Variants in CTNND2 observed in about 807,000 individuals in gnomAD.
CTNND2 encodes catenin delta-2.
A neutral mutation model predicts 144.4 loss-of-function variants in CTNND2; 22 were observed. That is an observed-to-expected ratio of 0.15 (90% CI 0.11 to 0.22). The LOEUF (loss-of-function observed/expected upper bound fraction) is 0.22, where lower values mean the gene tolerates loss of function less well. Ranked by LOEUF, CTNND2 falls within the 10% of genes least tolerant of loss-of-function variation. The probability of loss-of-function intolerance (pLI) is 1.00; values close to 1 mark genes in which losing one functional copy is unlikely to be tolerated. For synonymous variants in CTNND2, 751 were observed against 695.6 expected, an observed-to-expected ratio of 1.08 and a Z score of -1.25; for missense variants, 1,353 against 1,618.8, an observed-to-expected ratio of 0.84 and a Z score of 2.82.
intron 9 of CTNND2, among the ~76,000 whole-genome samples, chr5:11,329,800 C>T (rs556330239): frequency 1.3e-5 from 2 of 152,302 alleles, no homozygotes; most frequent in South Asian, 4.2e-4. Context: ...CAGCGCCATC[C>T]CCAAGGCTCC....
In CTNND2 at chr5:11,268,527, G is replaced by A. The variant is rs759021151; in HGVS notation, c.1629-31704C>T. Among the ~76,000 whole-genome samples, 21 of 152,154 alleles carry A rather than the reference G, an allele frequency of 1.4e-4. 1 individual carries two copies. Among genetic ancestry groups the A allele is most frequent in the Admixed American group, 3.3e-4 (5 of 15,278 alleles). ...ATTGCTTGAACTTGACCTGAGAGGT[G>A]GAGGTTGCAGTGAGCCAAGATCATG... is the stretch of plus-strand genomic sequence containing the variant. On this transcript the variant is annotated intron_variant, in intron 9 of 21. Transcript: ENST00000304623.
intron 15 of CTNND2, among the ~76,000 whole-genome samples, chr5:11,083,197 G>T (rs1749779439): frequency 6.6e-6 from 1 of 152,166 alleles, no homozygotes; most frequent in South Asian, 2.1e-4. Context: ...GCATTAAAGA[G>T]AAATAAAACA....
intron 1 of CTNND2, among the ~76,000 whole-genome samples, chr5:11,743,464 C>T (rs566890135): frequency 1.6e-3 from 237 of 152,276 alleles, no homozygotes; most frequent in African/African-American, 5.4e-3. Context: ...AAGGTAGAAT[C>T]GTCGATCAAG....
At chr5:11,297,420 T>C (rs1012454424) in intron 9 of CTNND2, among the ~76,000 whole-genome samples, 1 of 152,178 alleles carries the variant, frequency 6.6e-6, no homozygotes, top group Non-Finnish European at 1.5e-5. Flanking sequence ...GAGACAGATA[T>C]GAGAATGCAG....
chr5:11,452,904 T>C (rs556163501), intron 3 of CTNND2, among the ~76,000 whole-genome samples: 1 of 152,312 alleles, frequency 6.6e-6, no homozygotes, highest in South Asian at 2.1e-4. Context: ...AATTGTAGGG[T>C]GAAGAAAAAC....
intron 2 of CTNND2, among the ~76,000 whole-genome samples, chr5:11,586,614 C>T (rs1778879330): frequency 1.3e-5 from 2 of 152,210 alleles, no homozygotes; most frequent in Admixed American, 1.3e-4. Context: ...ATTATCATCA[C>T]ATAAGAGTTG....
chr5:11,054,857 G>C (rs116983969), intron 16 of CTNND2, among the ~76,000 whole-genome samples: 6 of 152,170 alleles, frequency 3.9e-5, no homozygotes, highest in African/African-American at 1.2e-4. Flanking sequence ...TTTATATAAA[G>C]AGCCTTTACA....
At chr5:11,720,262 G>A (rs1366146678) in intron 2 of CTNND2, among the ~76,000 whole-genome samples, 1 of 152,072 alleles carries the variant, frequency 6.6e-6, no homozygotes, top group Non-Finnish European at 1.5e-5. Context: ...GATCTGCAGT[G>A]AAACTTGCCA....
chr5:11,708,955 C>A (rs1785871330), intron 2 of CTNND2, among the ~76,000 whole-genome samples: 1 of 152,114 alleles, frequency 6.6e-6, no homozygotes, highest in South Asian at 2.1e-4. Flanking sequence ...TAACATAGTG[C>A]CTTTGAGATT....
chr5:11,431,043 T>C (rs1763245086), intron 3 of CTNND2, among the ~76,000 whole-genome samples: 1 of 152,208 alleles, frequency 6.6e-6, no homozygotes, highest in South Asian at 2.1e-4. Flanking sequence ...TATGGAGAAT[T>C]AGTCAGTAGA....
intron 6 of CTNND2, among the ~76,000 whole-genome samples, chr5:11,388,889 A>G (rs1002948960): frequency 6.6e-6 from 1 of 152,244 alleles, no homozygotes; most frequent in Non-Finnish European, 1.5e-5. Context: ...TAAAGCTGCA[A>G]ATCTGATTTT....
intron 3 of CTNND2, among the ~76,000 whole-genome samples, chr5:11,506,347 A>T (rs555272930): frequency 3.9e-4 from 59 of 152,320 alleles, no homozygotes; most frequent in African/African-American, 1.4e-3. Context: ...ATAGAGATTT[A>T]AAAAATAAGC....
At chr5:11,584,547 T>G (rs1037069061) in intron 2 of CTNND2, among the ~76,000 whole-genome samples, 1 of 152,012 alleles carries the variant, frequency 6.6e-6, no homozygotes, top group Non-Finnish European at 1.5e-5. Context: ...AAGATCACAA[T>G]GTAATTAGCC....
At chr5:11,423,706 G>C (rs1003148501) in intron 3 of CTNND2, among the ~76,000 whole-genome samples, 1 of 152,142 alleles carries the variant, frequency 6.6e-6, no homozygotes, top group Non-Finnish European at 1.5e-5. Context: ...TGTGCTCATA[G>C]CTTCTCTTTC....
intron 11 of CTNND2, among the ~76,000 whole-genome samples, chr5:11,192,793 C>T (rs780553283): frequency 3.9e-5 from 6 of 152,108 alleles, no homozygotes; most frequent in Admixed American, 1.3e-4. Flanking sequence ...CCTCCAGAAC[C>T]GTAAGAAAAT....
At chr5:11,541,342 C>T (rs772144542) in intron 3 of CTNND2, among the ~76,000 whole-genome samples, 1 of 152,078 alleles carries the variant, frequency 6.6e-6, no homozygotes, top group African/African-American at 2.4e-5. Context: ...AGTTTGGTAC[C>T]GGTTTCTGGG....
intron 12 of CTNND2, among the ~76,000 whole-genome samples, chr5:11,150,257 T>C (rs62339099): frequency 0.38 from 58,234 of 151,898 alleles, 12,878 homozygotes; most frequent in Admixed American, 0.51. Context: ...CCGCTGAGCC[T>C]CCACCGCCCC....
chr5:11,640,860 G>A (rs1348192605), intron 2 of CTNND2, among the ~76,000 whole-genome samples: 2 of 152,172 alleles, frequency 1.3e-5, no homozygotes, highest in East Asian at 3.9e-4. Context: ...CAGAGCTTCT[G>A]AAGACATACT....
intron 3 of CTNND2, among the ~76,000 whole-genome samples, chr5:11,497,559 G>C (rs10041886): frequency 2.4e-5 from 3 of 124,504 alleles, no homozygotes; most frequent in South Asian, 2.8e-4. Context: ...AGGCACAAAA[G>C]AACATGAGGC....
Sources: gnomAD v4.1 joint callset for allele counts (sites outside exome capture counted in the v4.1 genomes callset) on GRCh38, gnomAD v4.1.1 for gene constraint, MANE v1.5 for transcripts, NCBI Gene and HGNC (gene_info 2026-07-23, HGNC 2026-07-21) for gene names.